Variants in ADAMTSL1 observed in about 807,000 individuals in gnomAD.
ADAMTSL1 encodes ADAMTS like 1, also known as ADAMTS-like protein 1.
A neutral mutation model predicts 201.8 loss-of-function variants in ADAMTSL1; 126 were observed. That is an observed-to-expected ratio of 0.62 (90% CI 0.54 to 0.72). ADAMTSL1 has a LOEUF of 0.72. Among genes scored for constraint, ADAMTSL1 ranks in the 30% least tolerant of loss-of-function variants. ADAMTSL1 has a pLI of 0.00. For synonymous variants in ADAMTSL1, 1,121 were observed against 903.4 expected, an observed-to-expected ratio of 1.24 and a Z score of -4.32; for missense variants, 2,679 against 2,277.8, an observed-to-expected ratio of 1.18 and a Z score of -3.59.
At position 18,274,099 on chromosome 9, in the gene ADAMTSL1, A is replaced by G. The variant is rs533246078; in HGVS notation, c.207+110118A>G. On this transcript the variant is annotated intron_variant, in intron 2 of 29. Transcript: ENST00000680146. ...TGGAAGAGAAATTTTGAATGAAGGA[A>G]TTTAGATATCTCTCACTTGTATTGC... 1.4e-4 allele frequency among the ~76,000 whole-genome samples: 22 copies of G among 152,364 alleles called. No homozygotes were observed. The South Asian group carries it at 3.5e-3, about 24-fold the overall frequency.
chr9:17,988,381 A>G (rs974618035), intron 1 of ADAMTSL1, among the ~76,000 whole-genome samples: 2 of 152,060 alleles, frequency 1.3e-5, no homozygotes, highest in Non-Finnish European at 2.9e-5. Flanking sequence ...CTTTTCCACA[A>G]TGAATAGCAA....
intron 1 of ADAMTSL1, among the ~76,000 whole-genome samples, chr9:18,098,744 T>C (rs1219722397): frequency 6.6e-6 from 1 of 152,206 alleles, no homozygotes; most frequent in African/African-American, 2.4e-5. Flanking sequence ...TTTGTGCCTC[T>C]CTCTACTCTC....
chr9:18,193,619 G>A (rs532861244), intron 2 of ADAMTSL1, among the ~76,000 whole-genome samples: 42 of 152,226 alleles, frequency 2.8e-4, no homozygotes, highest in African/African-American at 9.9e-4. Flanking sequence ...TAGAATAAAA[G>A]AGATAATGGG....
intron 2 of ADAMTSL1, among the ~76,000 whole-genome samples, chr9:18,525,702 C>T (rs945164670): frequency 2.6e-5 from 4 of 152,230 alleles, no homozygotes; most frequent in South Asian, 2.1e-4. Context: ...TCATTTTGTA[C>T]CCAGTAGTCA....
intron 7 of ADAMTSL1, among the ~76,000 whole-genome samples, chr9:18,655,378 C>T (rs1828560363): frequency 2.0e-5 from 3 of 152,232 alleles, no homozygotes; most frequent in East Asian, 1.9e-4. Flanking sequence ...AACACTGAAA[C>T]ATTGTGATTA....
At chr9:18,180,231 C>G (rs1262518387) in intron 2 of ADAMTSL1, among the ~76,000 whole-genome samples, 1 of 152,142 alleles carries the variant, frequency 6.6e-6, no homozygotes, top group South Asian at 2.1e-4. Context: ...CAATCCTAGT[C>G]TCCGATAAAA....
chr9:18,442,678 A>G (rs1820041632), intron 2 of ADAMTSL1, among the ~76,000 whole-genome samples: 1 of 152,254 alleles, frequency 6.6e-6, no homozygotes, highest in Admixed American at 6.5e-5. Flanking sequence ...GTTGAGTAAC[A>G]TACCTTTAGC....
At chr9:18,808,575 C>T (rs193104789) in intron 20 of ADAMTSL1, among the ~76,000 whole-genome samples, 3 of 152,152 alleles carry the variant, frequency 2.0e-5, no homozygotes, top group African/African-American at 7.2e-5. Flanking sequence ...CTATAAAAAA[C>T]CACCTTTATT....
chr9:18,244,947 G>T (rs1831203883), intron 2 of ADAMTSL1, among the ~76,000 whole-genome samples: 1 of 152,060 alleles, frequency 6.6e-6, no homozygotes, highest in Non-Finnish European at 1.5e-5. Context: ...TGATGGCATT[G>T]GATTGAACTG....
At chr9:18,625,271 A>C (rs1158113457) in intron 5 of ADAMTSL1, among the ~76,000 whole-genome samples, 1 of 126,810 alleles carries the variant, frequency 7.9e-6, no homozygotes, top group Non-Finnish European at 1.7e-5. Flanking sequence ...CTTATATCCA[A>C]GTTTTTTTTT....
At position 18,738,225 on chromosome 9, in the gene ADAMTSL1, G is replaced by A. The variant is rs143129491; in HGVS notation, c.2007-15073G>A. 3.9e-3 allele frequency among the ~76,000 whole-genome samples: 593 copies of A among 152,310 alleles called. 2 individuals are homozygous for A. The highest frequency in any genetic ancestry group is 6.2e-3 in the Non-Finnish European group (424 of 68,034). On this transcript the variant is annotated intron_variant, in intron 15 of 28. Coordinates refer to ENST00000380548, the MANE Select transcript of ADAMTSL1 (RefSeq NM_001040272.6). ...GAAAGGATTTTCTTACAGCCGTGCT[G>A]TGAGAAGTTTTGCGTTTTCTCTATA...
intron 20 of ADAMTSL1, among the ~76,000 whole-genome samples, chr9:18,799,785 G>A (rs928609562): frequency 6.6e-6 from 1 of 152,098 alleles, no homozygotes; most frequent in African/African-American, 2.4e-5. Context: ...GATACACATT[G>A]TGTCTAATAA....
intron 2 of ADAMTSL1, among the ~76,000 whole-genome samples, chr9:18,213,375 C>G (rs573527466): frequency 1.3e-5 from 2 of 152,134 alleles, no homozygotes; most frequent in Non-Finnish European, 2.9e-5. Flanking sequence ...CTTCGGAGAA[C>G]AAAACACTGT....
chr9:18,348,139 T>G (rs1298460647), intron 2 of ADAMTSL1, among the ~76,000 whole-genome samples: 1 of 152,214 alleles, frequency 6.6e-6, no homozygotes, highest in East Asian at 1.9e-4. Context: ...CTAATCTTTT[T>G]AGCAGTGAAA....
chr9:18,763,790 ACTGTAGCT>A (rs1469243778), intron 16 of ADAMTSL1, among the ~76,000 whole-genome samples: 7 of 152,058 alleles, frequency 4.6e-5, no homozygotes, highest in African/African-American at 1.7e-4. Context: ...AAATGAGTTC[ACTGTAGCT>A]CTGTAGTTTT....
intron 6 of ADAMTSL1, among the ~76,000 whole-genome samples, chr9:18,638,612 T>G (rs908254030): frequency 6.6e-6 from 1 of 150,836 alleles, no homozygotes; most frequent in East Asian, 1.9e-4. Flanking sequence ...GAAATCAAGG[T>G]TTTTTTTCTA....
chr9:18,115,510 T>C (rs1391509954), intron 1 of ADAMTSL1, among the ~76,000 whole-genome samples: 1 of 152,106 alleles, frequency 6.6e-6, no homozygotes, highest in Non-Finnish European at 1.5e-5. Context: ...ACACCAATGA[T>C]AGTGGTAAGA....
intron 5 of ADAMTSL1, among the ~76,000 whole-genome samples, chr9:18,635,681 G>A (rs1429061049): frequency 1.3e-5 from 2 of 152,068 alleles, no homozygotes. Flanking sequence ...ATGAAAACTT[G>A]CAAACCAATT....
intron 2 of ADAMTSL1, among the ~76,000 whole-genome samples, chr9:18,167,272 T>C (rs561332390): frequency 6.6e-6 from 1 of 152,124 alleles, no homozygotes; most frequent in Non-Finnish European, 1.5e-5. Flanking sequence ...GTACACTTCA[T>C]TTGCCTGTAG....
Sources: gnomAD v4.1 joint callset for allele counts (sites outside exome capture counted in the v4.1 genomes callset) on GRCh38, gnomAD v4.1.1 for gene constraint, MANE v1.5 for transcripts, NCBI Gene and HGNC (gene_info 2026-07-23, HGNC 2026-07-21) for gene names.